The following LCP2 variants were observed in gnomAD, a reference collection of about 807,000 sequenced individuals.
The protein encoded by LCP2 is lymphocyte cytosolic protein 2.
LCP2 carries 29 observed loss-of-function variants against 74.5 expected under a neutral mutation model. The ratio of observed to expected loss-of-function variants is 0.39; its 90% CI spans 0.29 to 0.53. LCP2 has a LOEUF of 0.53. LCP2 is among the 20% of genes least tolerant of loss of function. The pLI, the probability that LCP2 is intolerant of heterozygous loss-of-function variation, is 0.72. For missense variants in LCP2, 604 were observed against 634.6 expected, an observed-to-expected ratio of 0.95 and a Z score of 0.52; for synonymous variants, 228 against 229.5, an observed-to-expected ratio of 0.99 and a Z score of 0.06.
intron 1 of LCP2, among the ~76,000 whole-genome samples, chr5:170,293,806 T>C (rs1762328884): frequency 6.6e-6 from 1 of 152,198 alleles, no homozygotes; most frequent in South Asian, 2.1e-4. Flanking sequence ...TATTCTGACT[T>C]TTTTCTCTTA....
intron 19 of LCP2, chr5:170,252,198 T>A (rs1761460168): frequency 2.9e-6 from 1 of 350,306 alleles, no homozygotes; most frequent in South Asian, 6.4e-5. Flanking sequence ...CCTAAGATGC[T>A]GCCAACCAAA....
At chr5:170,292,755 A>G (rs1762312576) in intron 2 of LCP2, among the ~76,000 whole-genome samples, 3 of 152,224 alleles carry the variant, frequency 2.0e-5, no homozygotes, top group Admixed American at 2.0e-4. Flanking sequence ...CTCCACCATT[A>G]GAGCTGCATC....
In LCP2 at chr5:170,275,269, A is replaced by G. The variant is rs1761987466; in HGVS notation, c.286+51T>C. 15 of 1,605,154 alleles carry G rather than the reference A, an allele frequency of 9.3e-6. No individual in the cohort carries two copies. In the East Asian group the frequency reaches 3.3e-4, roughly 36 times the overall value. ...AGGAACCAGAAAGGCAAGAAAACTGAAATACCTATCACCTCCTAAAGCAAT... is the reference window on the plus strand; with the variant it reads ...AGGAACCAGAAAGGCAAGAAAACTGGAATACCTATCACCTCCTAAAGCAAT... On this transcript the variant is annotated intron_variant, in intron 5 of 20. Transcript: ENST00000046794.
At chr5:170,255,609 T>G (rs1581058179) in intron 17 of LCP2, among the ~76,000 whole-genome samples, 1 of 152,334 alleles carries the variant, frequency 6.6e-6, no homozygotes, top group African/African-American at 2.4e-5. Flanking sequence ...TCCCTAGTCA[T>G]TTGATGCTCA....
intron 3 of LCP2, 73 bp downstream of exon 3, chr5:170,287,897 C>A: frequency 7.3e-7 from 1 of 1,379,142 alleles, no homozygotes; most frequent in Non-Finnish European, 1.0e-6. Flanking sequence ...AGAACTGACC[C>A]AGCCCCCACT....
At chr5:170,291,028 GAA>G (rs1762286147) in intron 2 of LCP2, among the ~76,000 whole-genome samples, 3 of 147,886 alleles carry the variant, frequency 2.0e-5, no homozygotes, top group Non-Finnish European at 3.0e-5. Context: ...AAGAAAGAGA[GAA>G]AGAAAGAGAG....
chr5:170,280,241 G>T (rs1355330391), intron 3 of LCP2, among the ~76,000 whole-genome samples: 2 of 151,846 alleles, frequency 1.3e-5, no homozygotes, highest in East Asian at 3.9e-4. Context: ...GATCCCTCCT[G>T]GGACAAGGCT....
chr5:170,257,683 T>C (rs2113159002), intron 16 of LCP2, among the ~76,000 whole-genome samples: 1 of 152,314 alleles, frequency 6.6e-6, no homozygotes, highest in East Asian at 1.9e-4. Context: ...CCAACTAAGA[T>C]GCAGATGAAC....
chr5:170,273,591 G>A (rs1173796120), intron 6 of LCP2, among the ~76,000 whole-genome samples: 8 of 152,088 alleles, frequency 5.3e-5, no homozygotes, highest in East Asian at 1.9e-4. Flanking sequence ...CGCACGTCAC[G>A]TTCTGCTCTC....
At chr5:170,295,337 G>A (rs750351680) in intron 1 of LCP2, among the ~76,000 whole-genome samples, 26 of 152,248 alleles carry the variant, frequency 1.7e-4, no homozygotes, top group Non-Finnish European at 2.8e-4. Context: ...CCAGTTAATA[G>A]AGAAGGTAAA....
At chr5:170,272,597 C>CTTT (rs61463939) in intron 6 of LCP2, among the ~76,000 whole-genome samples, 8,976 of 40,170 alleles carry the variant, frequency 0.22, 3,290 homozygotes, top group Non-Finnish European at 0.31. Context: ...CAAATATTTT[C>CTTT]TTTTTTTTTT....
intron 10 of LCP2, among the ~76,000 whole-genome samples, chr5:170,263,256 CTT>C (rs527971708): frequency 2.0e-5 from 3 of 152,100 alleles, no homozygotes; most frequent in Admixed American, 1.3e-4. Context: ...GGATTCTGTG[CTT>C]TTTTTAAATA....
At chr5:170,289,655 TTCTTTCTTTCTTTCTTTCTCTCTCTCTC>T (rs1352289599) in intron 2 of LCP2, among the ~76,000 whole-genome samples, 4 of 113,816 alleles carry the variant, frequency 3.5e-5, no homozygotes, top group African/African-American at 1.4e-4. Context: ...CTTTCTTTCT[TTCTTTCTTTCTTTCTTTCTCTCTCTCTC>T]TCTTTCTTTC....
chr5:170,294,757 TG>T (rs937727199), intron 1 of LCP2, among the ~76,000 whole-genome samples: 6 of 152,132 alleles, frequency 3.9e-5, no homozygotes, highest in Non-Finnish European at 1.5e-5. Context: ...CTACAGGCAG[TG>T]GGGGGTAAGT....
intron 1 of LCP2, among the ~76,000 whole-genome samples, chr5:170,295,066 G>T (rs1223417200): frequency 6.6e-6 from 1 of 152,106 alleles, no homozygotes; most frequent in African/African-American, 2.4e-5. Flanking sequence ...GAAAGAGGCT[G>T]GTCTAAGGTC....
At chr5:170,266,368 C>G (rs1761756769) in intron 10 of LCP2, among the ~76,000 whole-genome samples, 1 of 152,220 alleles carries the variant, frequency 6.6e-6, no homozygotes, top group Non-Finnish European at 1.5e-5. Flanking sequence ...CTCTGAAAAA[C>G]TAACATCCCT....
chr5:170,267,594 C>G (rs1489524641), intron 8 of LCP2, among the ~76,000 whole-genome samples: 1 of 151,410 alleles, frequency 6.6e-6, no homozygotes, highest in African/African-American at 2.4e-5. Flanking sequence ...CCCCCCATAC[C>G]GTCATGTTAC....
intron 20 of LCP2, among the ~76,000 whole-genome samples, chr5:170,249,366 ATATATATATATATATCTACATATC>A (rs1310261793): frequency 8.3e-6 from 1 of 120,780 alleles, no homozygotes. Context: ...GCGTGTGTAT[ATATATATATATATATCTACATATC>A]TATATATATA....
At chr5:170,258,345 A>G (rs1761597149) in intron 15 of LCP2, 179 bp from the exon 16 acceptor site, 1 of 582,242 alleles carries the variant, frequency 1.7e-6, no homozygotes, top group Admixed American at 3.0e-5. Flanking sequence ...TTTCTAGATG[A>G]CTTAACCACC....
Sources: allele counts gnomAD v4.1 joint callset (sites outside exome capture counted in the v4.1 genomes callset), GRCh38; gene constraint gnomAD v4.1.1; transcripts MANE v1.5; gene names NCBI Gene and HGNC (gene_info 2026-07-23, HGNC 2026-07-21).